The following SHROOM3 variants were observed in gnomAD, a reference collection of about 807,000 sequenced individuals.
The protein encoded by SHROOM3 is protein Shroom3.
SHROOM3 carries 47 observed loss-of-function variants against 138.6 expected under a neutral mutation model. That is an observed-to-expected ratio of 0.34 (90% confidence interval 0.27 to 0.43). The LOEUF (loss-of-function observed/expected upper bound fraction) is 0.43, where lower values mean the gene tolerates loss of function less well. Among genes scored for constraint, SHROOM3 ranks in the 20% least tolerant of loss-of-function variants. The pLI is 1.00. For missense variants in SHROOM3, 2,491 were observed against 2,596.5 expected (o/e 0.96, Z 0.88); for synonymous variants, 1,062 against 1,063.3 (o/e 1.00, Z 0.02).
intron 2 of SHROOM3, among the ~76,000 whole-genome samples, chr4:76,598,952 G>A (rs1421077690): frequency 2.0e-5 from 3 of 152,124 alleles, no homozygotes; most frequent in Admixed American, 6.5e-5. Context: ...TGCTCCAGGT[G>A]AAAAATAATG....
At chr4:76,490,312 A>T (rs1731822836) in intron 1 of SHROOM3, among the ~76,000 whole-genome samples, 1 of 152,104 alleles carries the variant, frequency 6.6e-6, no homozygotes, top group Non-Finnish European at 1.5e-5. Context: ...ACAAATGAAG[A>T]CTTGACCGGC....
At chr4:76,551,680 G>C (rs573195629) in intron 1 of SHROOM3, among the ~76,000 whole-genome samples, 10 of 152,092 alleles carry the variant, frequency 6.6e-5, no homozygotes, top group Non-Finnish European at 1.2e-4. Context: ...GTCCAAGGTG[G>C]GGAGGGGTGG....
At chr4:76,499,045 T>C (rs755496491) in intron 1 of SHROOM3, among the ~76,000 whole-genome samples, 29 of 152,236 alleles carry the variant, frequency 1.9e-4, no homozygotes, top group Non-Finnish European at 3.5e-4. Context: ...TTTAAAATCA[T>C]ATATTCTAGA....
chr4:76,474,934 A>G (rs1731453577), intron 1 of SHROOM3, among the ~76,000 whole-genome samples: 12 of 152,008 alleles, frequency 7.9e-5, no homozygotes. Context: ...CTCAAAAAAA[A>G]AAAAATTTTT....
intron 2 of SHROOM3, among the ~76,000 whole-genome samples, chr4:76,604,605 G>A (rs548069088): frequency 2.4e-4 from 37 of 152,118 alleles, no homozygotes; most frequent in Non-Finnish European, 4.4e-4. Context: ...AATGGTAACC[G>A]TCCACCTGAA....
intron 4 of SHROOM3, 91 bp downstream of exon 4, chr4:76,731,026 T>C: frequency 6.5e-7 from 1 of 1,536,658 alleles, no homozygotes; most frequent in Non-Finnish European, 8.9e-7. Context: ...TTGAGAATGT[T>C]TTTTCTTATA....
intron 4 of SHROOM3, among the ~76,000 whole-genome samples, chr4:76,735,491 C>CTGAT (rs1721010932): frequency 6.6e-6 from 1 of 151,906 alleles, no homozygotes. Context: ...TTGCACTGGT[C>CTGAT]TGATTAGAGA....
At chr4:76,615,371 C>A (rs988270034) in intron 2 of SHROOM3, among the ~76,000 whole-genome samples, 2 of 152,194 alleles carry the variant, frequency 1.3e-5, no homozygotes, top group African/African-American at 4.8e-5. Flanking sequence ...CTGACAGGAA[C>A]ACTGGAGAAT....
chr4:76,753,894 G>A (rs1312985258), intron 6 of SHROOM3, among the ~76,000 whole-genome samples: 1 of 152,224 alleles, frequency 6.6e-6, no homozygotes, highest in East Asian at 1.9e-4. Flanking sequence ...CGCACTGGGA[G>A]AGAAGAAGGC....
chr4:76,547,370 A>G (rs1733243681), intron 1 of SHROOM3, among the ~76,000 whole-genome samples: 1 of 152,168 alleles, frequency 6.6e-6, no homozygotes, highest in East Asian at 1.9e-4. Context: ...TCTCATTTCT[A>G]TAAAAATACA....
chr4:76,555,551 C>G (rs1232394003), intron 1 of SHROOM3, 58 bp from the exon 2 acceptor site: 6 of 1,609,330 alleles, frequency 3.7e-6, no homozygotes, highest in Non-Finnish European at 5.1e-6. Context: ...GATAGCCGGA[C>G]AGACCCCAGG....
In SHROOM3 at chr4:76,782,481, T is replaced by A. The variant is rs1722757555; in HGVS notation, c.*3304T>A. 1 of 152,202 alleles carries A rather than the reference T, an allele frequency of 6.6e-6. No individual in the cohort carries two copies. The highest frequency in any genetic ancestry group is 2.1e-4 in the South Asian group (1 of 4,830). The allele number at this position is 152,202 out of a possible 1,614,324, so 9.4% of individuals were successfully genotyped here. A position where few individuals can be genotyped will look rare whatever the true frequency, so the allele number is the denominator to read the frequency against. On this transcript the variant is annotated 3_prime_UTR_variant, in exon 11 of 11. Coordinates refer to ENST00000296043, the MANE Select transcript of SHROOM3 (RefSeq NM_020859.4). ...TAAAATAATTCATGAGTTTAAATGG[T>A]AAATATATGCTTTAAGCTCTACCTT...
At chr4:76,494,016 T>C (rs962835313) in intron 1 of SHROOM3, among the ~76,000 whole-genome samples, 2 of 152,212 alleles carry the variant, frequency 1.3e-5, no homozygotes, top group African/African-American at 4.8e-5. Flanking sequence ...TAACTTTCTA[T>C]GATAGGCTGT....
chr4:76,468,970 C>T (rs1731307269), intron 1 of SHROOM3, among the ~76,000 whole-genome samples: 1 of 150,546 alleles, frequency 6.6e-6, no homozygotes, highest in Non-Finnish European at 1.5e-5. Flanking sequence ...GGAGGTGCAG[C>T]TTGCAGTGAG....
chr4:76,461,384 A>G (rs2109976011), intron 1 of SHROOM3, among the ~76,000 whole-genome samples: 2 of 152,368 alleles, frequency 1.3e-5, no homozygotes, highest in Middle Eastern at 3.4e-3. Context: ...ATGGAAAATC[A>G]TAGATATTTG....
At chr4:76,530,380 G>A (rs1482457333) in intron 1 of SHROOM3, among the ~76,000 whole-genome samples, 1 of 152,254 alleles carries the variant, frequency 6.6e-6, no homozygotes, top group Non-Finnish European at 1.5e-5. Context: ...CAAGTTTAGA[G>A]CTTGTAGAAC....
intron 2 of SHROOM3, among the ~76,000 whole-genome samples, chr4:76,704,957 G>A (rs747411911): frequency 2.6e-4 from 39 of 152,134 alleles, no homozygotes; most frequent in Non-Finnish European, 4.6e-4. Flanking sequence ...TCCCCTTTAA[G>A]GATAAAATAG....
chr4:76,520,834 A>G (rs1219420188), intron 1 of SHROOM3, among the ~76,000 whole-genome samples: 2 of 152,228 alleles, frequency 1.3e-5, no homozygotes, highest in Non-Finnish European at 2.9e-5. Flanking sequence ...GGTTATACCT[A>G]TGCTATTTTC....
chr4:76,630,064 CTT>C (rs1458193541), intron 2 of SHROOM3, among the ~76,000 whole-genome samples: 1 of 149,230 alleles, frequency 6.7e-6, no homozygotes, highest in Non-Finnish European at 1.5e-5. Flanking sequence ...CTTTTATTGT[CTT>C]TTAACTACAG....
Sources: allele counts gnomAD v4.1 joint callset (sites outside exome capture counted in the v4.1 genomes callset), GRCh38; gene constraint gnomAD v4.1.1; transcripts MANE v1.5; gene names NCBI Gene and HGNC (gene_info 2026-07-23, HGNC 2026-07-21).